The following HSD17B2 variants were observed in gnomAD, a reference collection of about 807,000 sequenced individuals.
HSD17B2 encodes the protein 17-beta-hydroxysteroid dehydrogenase type 2.
A neutral mutation model predicts 26.9 loss-of-function variants in HSD17B2; 32 were observed. That is an observed-to-expected ratio of 1.19 (90% CI 0.90 to 1.60). HSD17B2 has a LOEUF of 1.60. Ranked by LOEUF, HSD17B2 falls within the 40% of genes most tolerant of loss-of-function variation. HSD17B2 has a pLI of 0.00. For missense variants in HSD17B2, 613 were observed against 468.6 expected, an observed-to-expected ratio of 1.31 and a Z score of -2.85; for synonymous variants, 246 against 186.7, an observed-to-expected ratio of 1.32 and a Z score of -2.59.
At chr16:82,096,053 A>G (rs1031806112) in intron 4 of HSD17B2, 1 of 152,170 alleles carries the variant, frequency 6.6e-6, no homozygotes, top group Admixed American at 6.5e-5. Context: ...TTAATTTTAT[A>G]TGATAAGCAG....
chr16:82,098,046 T>C, intron 4 of HSD17B2, 29 bp from the exon 5 acceptor site: 1 of 1,586,596 alleles, frequency 6.3e-7, no homozygotes, highest in Non-Finnish European at 8.6e-7. Context: ...CTTCCCAGGA[T>C]CTGACTCTTC....
At chr16:82,070,515 C>A (rs935372891) in intron 2 of HSD17B2, among the ~76,000 whole-genome samples, 1 of 152,240 alleles carries the variant, frequency 6.6e-6, no homozygotes, top group Non-Finnish European at 1.5e-5. Flanking sequence ...ACATACAGAG[C>A]CTCCACGTGT....
At chr16:82,056,287 C>CT (rs1372976273) in intron 1 of HSD17B2, among the ~76,000 whole-genome samples, 1 of 152,148 alleles carries the variant, frequency 6.6e-6, no homozygotes, top group Admixed American at 6.5e-5. Flanking sequence ...TTAGTTTTCT[C>CT]TTTTTTGTGT....
intron 1 of HSD17B2, among the ~76,000 whole-genome samples, chr16:82,047,478 T>C (rs1167302535): frequency 1.8e-4 from 28 of 152,242 alleles, no homozygotes; most frequent in Middle Eastern, 3.2e-3. Flanking sequence ...ATAGTATGCG[T>C]TCATGACATT....
intron 1 of HSD17B2, chr16:82,052,267 G>C (rs931698477): frequency 1.3e-5 from 2 of 152,204 alleles, no homozygotes; most frequent in Non-Finnish European, 2.9e-5. Context: ...GCCAAAAATT[G>C]AGAAGCTACG....
chr16:82,068,678 G>A (rs572217513), intron 2 of HSD17B2, among the ~76,000 whole-genome samples: 10 of 152,120 alleles, frequency 6.6e-5, no homozygotes, highest in South Asian at 4.2e-4. Flanking sequence ...TTTTCTGTCC[G>A]CAATAGCAAC....
chr16:82,071,083 T>A lies in HSD17B2; in HGVS notation c.620T>A (p.Leu207His). ...VEVTKTFLPL[L>H]RKSKGRLVNV... ...GTCACAAAGACGTTTTTGCCTCTTC[T>A]TAGAAAATCCAAAGGGAGGCTGGTG... The change falls in exon 3 of 5, where the codon CTT becomes CAT. Residue 207 changes from leucine to histidine, a missense_variant. Transcript: ENST00000199936. The A allele has an allele frequency of 6.2e-7, 1 of 1,614,178 alleles. No individual in the cohort carries two copies. Among genetic ancestry groups the A allele is most frequent in the Non-Finnish European group, 8.5e-7 (1 of 1,180,016 alleles).
chr16:82,098,367 A>C lies in HSD17B2; in HGVS notation c.1095A>C (p.Arg365Ser). Reference sequence around the variant, plus strand: ...GCATATATGATTACTTTGCTAAAAGACATTTTGGCCAAGACAAGCCCATGC... The same window carrying C: ...GCATATATGATTACTTTGCTAAAAGCCATTTTGGCCAAGACAAGCCCATGC... ...PIGIYDYFAK[R>S]HFGQDKPMPR... is the part of the protein sequence containing the mutation. Residue 365 changes from arginine (R) to serine (S), a missense_variant, in exon 5 of 5, where the codon AGA becomes AGC. Physicochemically the swap from Arg to Ser is moderately radical, Grantham distance 110 (BLOSUM62 -1). Coordinates refer to ENST00000199936, the MANE Select transcript of HSD17B2 (RefSeq NM_002153.3). The C allele has an allele frequency of 6.2e-7, 1 of 1,614,120 alleles. No individual in the cohort carries two copies.
intron 3 of HSD17B2, among the ~76,000 whole-genome samples, chr16:82,076,746 TTG>T (rs774972175): frequency 3.3e-5 from 5 of 152,096 alleles, no homozygotes; most frequent in Non-Finnish European, 7.4e-5. Context: ...AGCTATTTTT[TTG>T]TGTGTGTTTT....
intron 3 of HSD17B2, among the ~76,000 whole-genome samples, chr16:82,074,268 C>T (rs1450498577): frequency 6.6e-6 from 1 of 152,170 alleles, no homozygotes; most frequent in African/African-American, 2.4e-5. Flanking sequence ...CCCACCCACT[C>T]ACCAAGATGT....
At chr16:82,095,579 T>C (rs72547417) in intron 4 of HSD17B2, 9 of 152,258 alleles carry the variant, frequency 5.9e-5, no homozygotes, top group African/African-American at 2.2e-4. Context: ...TGAGGACTCT[T>C]GCCTACAGAA....
intron 1 of HSD17B2, among the ~76,000 whole-genome samples, chr16:82,059,549 T>C (rs1349314412): frequency 6.6e-6 from 1 of 152,178 alleles, no homozygotes; most frequent in East Asian, 1.9e-4. Flanking sequence ...GTAGTGGGAT[T>C]GAGGAGTGAG....
At chr16:82,061,784 T>C (rs1301184840) in intron 1 of HSD17B2, among the ~76,000 whole-genome samples, 1 of 152,246 alleles carries the variant, frequency 6.6e-6, no homozygotes, top group Non-Finnish European at 1.5e-5. Context: ...CAGTATTGAC[T>C]GTGAGCTTTT....
chr16:82,078,651 TGTG>T (rs1322458621), intron 3 of HSD17B2, among the ~76,000 whole-genome samples: 1 of 152,126 alleles, frequency 6.6e-6, no homozygotes, highest in Non-Finnish European at 1.5e-5. Context: ...ATAAAGAAAA[TGTG>T]GTACATATAC....
chr16:82,095,570 G>C (rs1438999243), intron 4 of HSD17B2: 3 of 152,262 alleles, frequency 2.0e-5, no homozygotes, highest in Admixed American at 2.0e-4. Context: ...GCTGTACTTT[G>C]AGGACTCTTG....
chr16:82,057,324 G>A (rs1219443818), intron 1 of HSD17B2, among the ~76,000 whole-genome samples: 1 of 151,834 alleles, frequency 6.6e-6, no homozygotes, highest in African/African-American at 2.4e-5. Flanking sequence ...TCAGCCTCCT[G>A]AATAGCTGGG....
intron 1 of HSD17B2, among the ~76,000 whole-genome samples, chr16:82,062,671 G>A (rs1369753064): frequency 6.6e-6 from 1 of 152,208 alleles, no homozygotes; most frequent in African/African-American, 2.4e-5. Context: ...CAGGGTGATT[G>A]AGAGGATTCA....
Position 82,068,056 on chromosome 16 carries a change from C to T in HSD17B2, c.266-114C>T, listed in dbSNP as rs901521980. On this transcript the variant is annotated intron_variant, in intron 1 of 4. Coordinates refer to ENST00000199936, the MANE Select transcript of HSD17B2 (RefSeq NM_002153.3). Reference sequence around the variant, plus strand: ...ACATAAAGAAACTTCCTCAGGAACCCCTCTCTTCAGAGAGCATGGAGAATC... The same window carrying T: ...ACATAAAGAAACTTCCTCAGGAACCTCTCTCTTCAGAGAGCATGGAGAATC... 2.5e-5 allele frequency: 23 copies of T among 917,644 alleles called. No homozygotes were observed. The Middle Eastern group carries it at 9.3e-4, about 37-fold the overall frequency. The allele number at this position is 917,644 out of a possible 1,614,324, so 56.8% of individuals were successfully genotyped here.
At chr16:82,045,573 G>C (rs977066036) in intron 1 of HSD17B2, among the ~76,000 whole-genome samples, 2 of 152,164 alleles carry the variant, frequency 1.3e-5, no homozygotes, top group African/African-American at 4.8e-5. Flanking sequence ...GAGACAAAAG[G>C]AATATAGGCG....
Sources: allele counts gnomAD v4.1 joint callset (sites outside exome capture counted in the v4.1 genomes callset), GRCh38; gene constraint gnomAD v4.1.1; transcripts MANE v1.5; gene names NCBI Gene and HGNC (gene_info 2026-07-23, HGNC 2026-07-21).